CNOT6L: variants seen among roughly 807,000 people sequenced by gnomAD.
CNOT6L encodes the protein CCR4-NOT transcription complex subunit 6 like.
A neutral mutation model predicts 64.0 loss-of-function variants in CNOT6L; 7 were observed. The observed-to-expected ratio is 0.11, with a 90% CI of 0.06 to 0.21. The LOEUF (loss-of-function observed/expected upper bound fraction) is 0.21. Among genes scored for constraint, CNOT6L ranks in the 10% least tolerant of loss-of-function variants. The pLI is 1.00. For synonymous variants in CNOT6L, 193 were observed against 243.4 expected (o/e 0.79, Z 1.93); for missense variants, 245 against 669.0 (o/e 0.37, Z 6.99).
At chr4:77,819,385 G>A (rs548926923), upstream of CNOT6L, 4 of 1,608,768 alleles carry the variant, frequency 2.5e-6, no homozygotes, top group Non-Finnish European at 3.4e-6. Flanking sequence ...ACGCGCGCGC[G>A]CGCGCACCAG....
intron 6 of CNOT6L, among the ~76,000 whole-genome samples, chr4:77,746,043 C>G (rs773757884): frequency 6.6e-6 from 1 of 152,166 alleles, no homozygotes; most frequent in Non-Finnish European, 1.5e-5. Flanking sequence ...CATTTCCAAG[C>G]CACTACACTG....
intron 11 of CNOT6L, among the ~76,000 whole-genome samples, chr4:77,724,239 A>G (rs932579850): frequency 1.3e-5 from 2 of 151,038 alleles, no homozygotes; most frequent in African/African-American, 4.9e-5. Flanking sequence ...AGTCCCAGCT[A>G]CTCAACAGGC....
At chr4:77,781,558 AAATATAC>A in intron 1 of CNOT6L, among the ~76,000 whole-genome samples, 1 of 152,328 alleles carries the variant, frequency 6.6e-6, no homozygotes, top group Middle Eastern at 3.4e-3. Context: ...AAATACATAC[AAATATAC>A]TATTGTTAAC....
intron 5 of CNOT6L, among the ~76,000 whole-genome samples, chr4:77,754,624 T>C (rs576778226): frequency 6.6e-6 from 1 of 152,100 alleles, no homozygotes; most frequent in South Asian, 2.1e-4. Flanking sequence ...TTCTTTAGAA[T>C]AGGTCAAGGG....
chr4:77,759,407 T>C (rs1405583333), intron 4 of CNOT6L, among the ~76,000 whole-genome samples: 1 of 151,398 alleles, frequency 6.6e-6, no homozygotes, highest in Non-Finnish European at 1.5e-5. Flanking sequence ...CTACTAAAAA[T>C]ACAAAAAATT....
intron 4 of CNOT6L, among the ~76,000 whole-genome samples, chr4:77,764,081 A>C (rs1052993988): frequency 1.3e-5 from 2 of 152,156 alleles, no homozygotes; most frequent in African/African-American, 4.8e-5. Context: ...GAACCAAACA[A>C]TGCATAGTTG....
At chr4:77,779,161 C>A (rs937825705) in intron 1 of CNOT6L, among the ~76,000 whole-genome samples, 1 of 150,724 alleles carries the variant, frequency 6.6e-6, no homozygotes, top group African/African-American at 2.4e-5. Context: ...CTTAAGGGGA[C>A]TATGTTTCTG....
intron 7 of CNOT6L, among the ~76,000 whole-genome samples, chr4:77,743,633 G>A (rs930505601): frequency 9.0e-6 from 1 of 111,190 alleles, no homozygotes; most frequent in Admixed American, 1.3e-4. Flanking sequence ...ACAGAATCTC[G>A]CTCTGCCATC....
At position 77,753,188 on chromosome 4, in the gene CNOT6L, C is replaced by T. The variant is rs537998400; in HGVS notation, c.490+3674G>A. On this transcript the variant is annotated intron_variant, in intron 5 of 11. Transcript: ENST00000504123. ...TAAATCAGTAATTTAAAACTTCCTA[C>T]CAGAAAAAAAAAAAAAACCCAGAAA... 1.9e-3 allele frequency among the ~76,000 whole-genome samples: 251 copies of T among 130,164 alleles called. 1 individual carries two copies. Among genetic ancestry groups the T allele is most frequent in the African/African-American group, 6.2e-3 (232 of 37,208 alleles). The allele number at this position is 130,164 out of a possible 152,430, so 85.4% of individuals were successfully genotyped here. A position where few individuals can be genotyped will look rare whatever the true frequency, so the allele number is the denominator to read the frequency against.
chr4:77,760,224 T>A (rs1274462199), intron 4 of CNOT6L, among the ~76,000 whole-genome samples: 1 of 151,802 alleles, frequency 6.6e-6, no homozygotes, highest in Non-Finnish European at 1.5e-5. Flanking sequence ...CAAAAAAAAT[T>A]ATTTAACTGG....
At chr4:77,736,499 C>T (rs767906257) in intron 8 of CNOT6L, among the ~76,000 whole-genome samples, 4 of 151,584 alleles carry the variant, frequency 2.6e-5, no homozygotes, top group Non-Finnish European at 4.4e-5. Flanking sequence ...TCTTGCATTC[C>T]CTTCCCATAC....
At chr4:77,774,453 T>C in intron 3 of CNOT6L, 77 bp downstream of exon 3, 1 of 1,155,456 alleles carries the variant, frequency 8.7e-7, no homozygotes, top group Non-Finnish European at 1.2e-6. Context: ...GAAATCCTAC[T>C]GTAATAAAGT....
intron 1 of CNOT6L, among the ~76,000 whole-genome samples, chr4:77,808,980 T>G (rs1732587390): frequency 6.6e-6 from 1 of 152,162 alleles, no homozygotes; most frequent in South Asian, 2.1e-4. Flanking sequence ...GAAACAGTAA[T>G]AGTGTACGTG....
chr4:77,744,936 G>T, intron 6 of CNOT6L, 61 bp from the exon 7 acceptor site: 1 of 1,417,892 alleles, frequency 7.1e-7, no homozygotes, highest in Non-Finnish European at 9.6e-7. Flanking sequence ...TTTTTCTAAA[G>T]CAATATCATG....
At chr4:77,759,294 G>A (rs1725905024) in intron 4 of CNOT6L, among the ~76,000 whole-genome samples, 2 of 151,474 alleles carry the variant, frequency 1.3e-5, no homozygotes, top group South Asian at 2.1e-4. Context: ...GGCTGGGCAC[G>A]GTGGCTCACG....
intron 5 of CNOT6L, among the ~76,000 whole-genome samples, chr4:77,749,135 A>C (rs191727874): frequency 2.7e-3 from 413 of 152,326 alleles, no homozygotes; most frequent in African/African-American, 9.4e-3. Context: ...TTATCTAGCC[A>C]CAGAAATTTT....
chr4:77,742,027 A>C (rs1244956470), intron 8 of CNOT6L, 114 bp downstream of exon 8: 3 of 917,860 alleles, frequency 3.3e-6, no homozygotes, highest in East Asian at 2.7e-5. Context: ...AAGTTGCATA[A>C]TACTTGTTTT....
upstream of CNOT6L, chr4:77,819,513 C>G: frequency 9.9e-7 from 1 of 1,014,622 alleles, no homozygotes; most frequent in Non-Finnish European, 1.3e-6. Context: ...GCACACAGGG[C>G]CCGTAACCGG....
chr4:77,794,150 CAAAAAAAAAAA>C (rs10649868), intron 1 of CNOT6L, among the ~76,000 whole-genome samples: 18 of 52,026 alleles, frequency 3.5e-4, no homozygotes, highest in African/African-American at 1.3e-3. Flanking sequence ...GACTCTGTCT[CAAAAAAAAAAA>C]AAAAAAAAAA....
Sources: gnomAD v4.1 joint callset for allele counts (sites outside exome capture counted in the v4.1 genomes callset) on GRCh38, gnomAD v4.1.1 for gene constraint, MANE v1.5 for transcripts, NCBI Gene and HGNC (gene_info 2026-07-23, HGNC 2026-07-21) for gene names.